CCDC179: variants seen among roughly 807,000 people sequenced by gnomAD.
The protein encoded by CCDC179 is coiled-coil domain containing 179.
In CCDC179, 17 loss-of-function variants were observed where a neutral mutation model predicts 12.0. That is an observed-to-expected ratio of 1.42 (90% CI 0.97 to 2.13). The LOEUF (loss-of-function observed/expected upper bound fraction) is 2.13, where lower values mean the gene tolerates loss of function less well. Ranked by LOEUF, CCDC179 falls within the 30% of genes most tolerant of loss-of-function variation. CCDC179 has a pLI of 0.00. For missense variants in CCDC179, 83 were observed against 78.6 expected (o/e 1.06, Z -0.21); for synonymous variants, 27 against 26.4 (o/e 1.02, Z -0.07).
intron 3 of CCDC179, among the ~76,000 whole-genome samples, chr11:22,857,279 A>G (rs1379497767): frequency 5.9e-5 from 9 of 151,804 alleles, no homozygotes; most frequent in East Asian, 1.9e-4. Context: ...TTGTAAATCT[A>G]TAGTTTTCGA....
intron 3 of CCDC179, among the ~76,000 whole-genome samples, chr11:22,853,770 TG>T (rs1858473079): frequency 6.6e-6 from 1 of 151,522 alleles, no homozygotes; most frequent in African/African-American, 2.4e-5. Context: ...GAATAAATAT[TG>T]ACATAATAAT....
intron 3 of CCDC179, among the ~76,000 whole-genome samples, chr11:22,853,070 A>G (rs910519202): frequency 6.6e-6 from 1 of 152,234 alleles, no homozygotes; most frequent in Non-Finnish European, 1.5e-5. Flanking sequence ...GACAAAACTG[A>G]ATCAGGGGAA....
intron 1 of CCDC179, 90 bp downstream of exon 1, chr11:22,860,287 A>G: frequency 1.4e-6 from 2 of 1,406,522 alleles, no homozygotes; most frequent in Non-Finnish European, 9.6e-7. Flanking sequence ...TACAAGAGTT[A>G]GAAGCACCAT....
Position 22,855,859 on chromosome 11 carries a change from T to C in CCDC179, c.195+2063A>G, listed in dbSNP as rs137939870. On this transcript the variant is annotated intron_variant, in intron 3 of 3. Coordinates refer to ENST00000532798, the MANE Select transcript of CCDC179 (RefSeq NM_001195637.2). ...ATAAATAAGAGACCATAACTGCCAA[T>C]CCCATGAACATTAAAAGAATAATAA... 1.7e-4 allele frequency among the ~76,000 whole-genome samples: 25 copies of C among 151,314 alleles called. 1 individual carries two copies. The highest frequency in any genetic ancestry group is 6.8e-3 in the Middle Eastern group (2 of 294).
intron 3 of CCDC179, among the ~76,000 whole-genome samples, chr11:22,850,956 A>ATTTT (rs1361820700): frequency 3.2e-4 from 2 of 6,284 alleles, no homozygotes; most frequent in Non-Finnish European, 6.9e-4. Context: ...ATATATATAT[A>ATTTT]TATATATATA....
chr11:22,850,965 TATA>T (rs1217058051), intron 3 of CCDC179, among the ~76,000 whole-genome samples: 13 of 22,582 alleles, frequency 5.8e-4, no homozygotes, highest in Non-Finnish European at 7.5e-4. Context: ...TATATATATA[TATA>T]TATATATATT....
At chr11:22,859,739 C>G (rs769015787) in intron 1 of CCDC179, among the ~76,000 whole-genome samples, 7 of 152,158 alleles carry the variant, frequency 4.6e-5, no homozygotes, top group African/African-American at 1.7e-4. Context: ...CAGCTGTGAA[C>G]CACCTTACAG....
At chr11:22,850,976 A>ATATTTTTTTTT (rs1554920538) in intron 3 of CCDC179, among the ~76,000 whole-genome samples, 1 of 6,118 alleles carries the variant, frequency 1.6e-4, no homozygotes, top group Non-Finnish European at 4.4e-4. Context: ...ATATATATAT[A>ATATTTTTTTTT]TTTTTTTTTT....
chr11:22,860,431 C>A lies in CCDC179; in HGVS notation c.-10G>T, dbSNP rs970665517. The A allele has an allele frequency of 1.3e-6, 2 of 1,534,168 alleles. No homozygotes were observed. The highest frequency in any genetic ancestry group is 1.2e-5 in the South Asian group (1 of 83,798). ...AGCAATACAGGCACATGCCGTGGAGCCTTAGGGCGCCCCCTGACGCCTACT... is the reference window on the plus strand; with the variant it reads ...AGCAATACAGGCACATGCCGTGGAGACTTAGGGCGCCCCCTGACGCCTACT... On this transcript the variant is annotated 5_prime_UTR_variant, in exon 1 of 4. Coordinates refer to ENST00000532798, the MANE Select transcript of CCDC179 (RefSeq NM_001195637.2).
chr11:22,858,968 A>G (rs1375685235), intron 2 of CCDC179, among the ~76,000 whole-genome samples: 1 of 152,084 alleles, frequency 6.6e-6, no homozygotes, highest in South Asian at 2.1e-4. Flanking sequence ...CATACACTAA[A>G]TTTTGTGTGA....
intron 3 of CCDC179, among the ~76,000 whole-genome samples, chr11:22,848,838 C>T (rs1366999157): frequency 6.6e-6 from 1 of 151,984 alleles, no homozygotes; most frequent in African/African-American, 2.4e-5. Flanking sequence ...CACTTTGAGA[C>T]AAGATTAATA....
intron 3 of CCDC179, among the ~76,000 whole-genome samples, chr11:22,853,838 A>C (rs893181253): frequency 6.6e-6 from 1 of 152,064 alleles, no homozygotes; most frequent in African/African-American, 2.4e-5. Flanking sequence ...CAGAAAATTC[A>C]TAAGACACAA....
At chr11:22,858,947 A>T (rs905776282) in intron 2 of CCDC179, among the ~76,000 whole-genome samples, 1 of 152,160 alleles carries the variant, frequency 6.6e-6, no homozygotes. Flanking sequence ...TATTGAGAAA[A>T]AAGAGTAAAT....
chr11:22,855,280 A>G (rs1031663866), intron 3 of CCDC179, among the ~76,000 whole-genome samples: 33 of 151,664 alleles, frequency 2.2e-4, no homozygotes, highest in Admixed American at 1.8e-3. Flanking sequence ...ACATTCACCA[A>G]GACAGATCAC....
chr11:22,850,972 A>AT (rs1564915170), intron 3 of CCDC179, among the ~76,000 whole-genome samples: 140 of 6,484 alleles, frequency 0.022, 1 homozygote, highest in Non-Finnish European at 0.043. Context: ...ATATATATAT[A>AT]TATATTTTTT....
chr11:22,859,911 G>A (rs573015260), intron 1 of CCDC179, among the ~76,000 whole-genome samples: 7 of 152,298 alleles, frequency 4.6e-5, no homozygotes, highest in African/African-American at 1.7e-4. Context: ...GATTGAGATC[G>A]TATGGTTTTC....
At chr11:22,859,614 T>G in intron 1 of CCDC179, 118 bp from the exon 2 acceptor site, 1 of 497,402 alleles carries the variant, frequency 2.0e-6, no homozygotes, top group Non-Finnish European at 3.2e-6. Flanking sequence ...ATGAATCATT[T>G]CAACTATAAG....
At chr11:22,852,420 G>A (rs1858429141) in intron 3 of CCDC179, among the ~76,000 whole-genome samples, 1 of 152,216 alleles carries the variant, frequency 6.6e-6, no homozygotes, top group Non-Finnish European at 1.5e-5. Context: ...TGCAGGCATA[G>A]TCAAGTGATT....
chr11:22,852,785 A>G (rs1305275302), intron 3 of CCDC179, among the ~76,000 whole-genome samples: 2 of 152,306 alleles, frequency 1.3e-5, no homozygotes, highest in Non-Finnish European at 2.9e-5. Flanking sequence ...AGCTGGCTCT[A>G]TGTGTATTAA....
Sources: allele counts gnomAD v4.1 joint callset (sites outside exome capture counted in the v4.1 genomes callset), GRCh38; gene constraint gnomAD v4.1.1; transcripts MANE v1.5; gene names NCBI Gene and HGNC (gene_info 2026-07-23, HGNC 2026-07-21).